LRRC4C: variants seen among roughly 807,000 people sequenced by gnomAD.
LRRC4C encodes the protein leucine rich repeat containing 4C.
LRRC4C carries 5 observed loss-of-function variants against 33.6 expected under a neutral mutation model. The observed-to-expected ratio is 0.15, with a 90% CI of 0.08 to 0.31. The LOEUF (loss-of-function observed/expected upper bound fraction) is 0.31, where lower values mean the gene tolerates loss of function less well. Ranked by LOEUF, LRRC4C falls within the 10% of genes least tolerant of loss-of-function variation. The pLI, the probability that LRRC4C is intolerant of heterozygous loss-of-function variation, is 1.00. For synonymous variants in LRRC4C, 329 were observed against 302.0 expected (o/e 1.09, Z -0.93); for missense variants, 560 against 796.7 (o/e 0.70, Z 3.58).
chr11:40,422,411 T>C (rs1173898061), intron 3 of LRRC4C, among the ~76,000 whole-genome samples: 2 of 152,204 alleles, frequency 1.3e-5, no homozygotes, highest in Admixed American at 1.3e-4. Context: ...ATTTTTTTTC[T>C]GATCCTGGAA....
intron 3 of LRRC4C, among the ~76,000 whole-genome samples, chr11:40,533,390 G>A (rs886870793): frequency 6.6e-6 from 1 of 152,082 alleles, no homozygotes; most frequent in African/African-American, 2.4e-5. Flanking sequence ...ATTCATGTGG[G>A]TCTTTTGGCA....
chr11:40,660,006 C>T (rs1230172831), intron 2 of LRRC4C, among the ~76,000 whole-genome samples: 2 of 152,206 alleles, frequency 1.3e-5, no homozygotes, highest in Non-Finnish European at 2.9e-5. Flanking sequence ...TCTAGGGGCT[C>T]CCTGAGCCAG....
chr11:40,634,383 T>G (rs1046279582), intron 3 of LRRC4C, among the ~76,000 whole-genome samples: 1 of 152,144 alleles, frequency 6.6e-6, no homozygotes, highest in African/African-American at 2.4e-5. Context: ...TTGTTACAGA[T>G]GAAAGGAAGT....
At chr11:40,879,791 A>C (rs778186992) in intron 2 of LRRC4C, among the ~76,000 whole-genome samples, 7 of 152,184 alleles carry the variant, frequency 4.6e-5, no homozygotes, top group Non-Finnish European at 1.0e-4. Flanking sequence ...TTAGATCAGA[A>C]GATACATTAT....
At chr11:40,841,784 T>C (rs1297535566) in intron 2 of LRRC4C, among the ~76,000 whole-genome samples, 1 of 152,200 alleles carries the variant, frequency 6.6e-6, no homozygotes, top group Admixed American at 6.5e-5. Context: ...ATTTTTCTTT[T>C]TCAGTGTAAG....
At chr11:41,134,999 A>G (rs886772914) in intron 1 of LRRC4C, among the ~76,000 whole-genome samples, 3 of 152,168 alleles carry the variant, frequency 2.0e-5, no homozygotes, top group Non-Finnish European at 2.9e-5. Flanking sequence ...ATGAAAGTCA[A>G]TAAACTACTG....
intron 1 of LRRC4C, among the ~76,000 whole-genome samples, chr11:41,254,501 T>C (rs1270758281): frequency 2.0e-5 from 3 of 152,044 alleles, no homozygotes; most frequent in Admixed American, 1.3e-4. Flanking sequence ...AAATACATCC[T>C]TTGTGATATA....
At chr11:40,849,989 A>G (rs1953400597) in intron 2 of LRRC4C, among the ~76,000 whole-genome samples, 1 of 151,716 alleles carries the variant, frequency 6.6e-6, no homozygotes, top group African/African-American at 2.4e-5. Flanking sequence ...CAGGTCATTT[A>G]TGTTCTTCTC....
intron 1 of LRRC4C, among the ~76,000 whole-genome samples, chr11:41,199,822 A>G (rs891884295): frequency 4.6e-5 from 7 of 151,952 alleles, no homozygotes; most frequent in Non-Finnish European, 7.4e-5. Context: ...ATTGTGGCTG[A>G]CTCCTCAGAA....
intron 2 of LRRC4C, among the ~76,000 whole-genome samples, chr11:40,745,741 T>C (rs1948385502): frequency 6.6e-6 from 1 of 152,224 alleles, no homozygotes; most frequent in African/African-American, 2.4e-5. Context: ...ATTAACCACA[T>C]TTAAATTATA....
intron 1 of LRRC4C, among the ~76,000 whole-genome samples, chr11:41,365,569 T>C (rs971332331): frequency 6.6e-6 from 1 of 152,128 alleles, no homozygotes; most frequent in East Asian, 1.9e-4. Context: ...TCTTAATAAA[T>C]ATGAAATAGC....
intron 3 of LRRC4C, among the ~76,000 whole-genome samples, chr11:40,598,154 A>C (rs1959562778): frequency 6.6e-6 from 1 of 152,214 alleles, no homozygotes; most frequent in Non-Finnish European, 1.5e-5. Context: ...GGTTGAGTGG[A>C]TATCTCTTGG....
chr11:41,381,626 CA>C (rs71931237), intron 1 of LRRC4C, among the ~76,000 whole-genome samples: 3 of 133,744 alleles, frequency 2.2e-5, no homozygotes, highest in Non-Finnish European at 3.2e-5. Flanking sequence ...GACTCTGCTT[CA>C]AAAAAAAAAA....
chr11:40,653,758 A>G (rs1942941357), intron 2 of LRRC4C, among the ~76,000 whole-genome samples: 1 of 152,200 alleles, frequency 6.6e-6, no homozygotes, highest in African/African-American at 2.4e-5. Context: ...CCAAATACTA[A>G]TCACCAAGAA....
intron 3 of LRRC4C, among the ~76,000 whole-genome samples, chr11:40,375,433 G>C (rs950992866): frequency 2.0e-5 from 3 of 152,088 alleles, no homozygotes; most frequent in African/African-American, 7.2e-5. Context: ...GACAGAACTT[G>C]GATGCCATAA....
At chr11:40,593,512 G>A (rs1959151969) in intron 3 of LRRC4C, among the ~76,000 whole-genome samples, 2 of 152,228 alleles carry the variant, frequency 1.3e-5, no homozygotes, top group South Asian at 4.1e-4. Context: ...TGTATGTACT[G>A]AACAAGAGAG....
At chr11:40,430,478 C>T (rs113810113) in intron 3 of LRRC4C, among the ~76,000 whole-genome samples, 65 of 152,058 alleles carry the variant, frequency 4.3e-4, no homozygotes, top group African/African-American at 1.6e-3. Flanking sequence ...ACAATAGGCA[C>T]AGTGAGTAAA....
At chr11:40,434,111 A>G (rs1951046003) in intron 3 of LRRC4C, among the ~76,000 whole-genome samples, 1 of 152,078 alleles carries the variant, frequency 6.6e-6, no homozygotes, top group Non-Finnish European at 1.5e-5. Context: ...CAACTATGAT[A>G]TTATTTGTTT....
intron 1 of LRRC4C, among the ~76,000 whole-genome samples, chr11:41,222,047 T>C (rs904797352): frequency 1.6e-4 from 25 of 152,210 alleles, no homozygotes; most frequent in African/African-American, 5.3e-4. Context: ...GAGCAGAGAG[T>C]AGAAGAATGG....
Sources: gnomAD v4.1 joint callset for allele counts (sites outside exome capture counted in the v4.1 genomes callset) on GRCh38, gnomAD v4.1.1 for gene constraint, MANE v1.5 for transcripts, NCBI Gene and HGNC (gene_info 2026-07-23, HGNC 2026-07-21) for gene names.